Variants in CCDC91 observed in about 807,000 individuals in gnomAD.
The protein encoded by CCDC91 is coiled-coil domain-containing protein 91.
In CCDC91, 48 loss-of-function variants were observed where a neutral mutation model predicts 63.2. The observed-to-expected ratio is 0.76, with a 90% CI of 0.60 to 0.97. CCDC91 has a LOEUF of 0.97. CCDC91 is among the 50% of genes least tolerant of loss of function. The pLI, the probability that CCDC91 is intolerant of heterozygous loss-of-function variation, is 0.00. For missense variants in CCDC91, 500 were observed against 494.6 expected (o/e 1.01, Z -0.10); for synonymous variants, 167 against 165.8 (o/e 1.01, Z -0.06).
At chr12:28,518,029 T>G (rs1302696377) in intron 12 of CCDC91, among the ~76,000 whole-genome samples, 1 of 152,022 alleles carries the variant, frequency 6.6e-6, no homozygotes, top group African/African-American at 2.4e-5. Flanking sequence ...CTTTATCTAC[T>G]CATTGATTGA....
intron 12 of CCDC91, among the ~76,000 whole-genome samples, chr12:28,500,766 A>G (rs181349952): frequency 2.0e-5 from 3 of 151,800 alleles, no homozygotes; most frequent in East Asian, 1.9e-4. Context: ...CTCAGAATAG[A>G]TGTATTCCAT....
chr12:28,502,738 T>C (rs984678768), intron 12 of CCDC91, among the ~76,000 whole-genome samples: 2 of 151,068 alleles, frequency 1.3e-5, no homozygotes, highest in African/African-American at 4.9e-5. Flanking sequence ...AACAGAGATA[T>C]AGATCAATGG....
chr12:28,420,884 C>T (rs1160009289), intron 8 of CCDC91, among the ~76,000 whole-genome samples: 1 of 151,436 alleles, frequency 6.6e-6, no homozygotes, highest in African/African-American at 2.4e-5. Context: ...TTTTTGAGTT[C>T]TTAAATAACT....
chr12:28,521,846 A>T (rs1456845837), intron 12 of CCDC91, among the ~76,000 whole-genome samples: 1 of 151,924 alleles, frequency 6.6e-6, no homozygotes. Flanking sequence ...GGTTTTTGTC[A>T]TTGGTTCTGT....
intron 6 of CCDC91, among the ~76,000 whole-genome samples, chr12:28,310,939 A>C (rs1323514143): frequency 1.3e-5 from 2 of 152,004 alleles, no homozygotes; most frequent in Non-Finnish European, 2.9e-5. Context: ...TTTCTTACCC[A>C]AGTTGAGATT....
intron 6 of CCDC91, among the ~76,000 whole-genome samples, chr12:28,341,244 G>T (rs1189834127): frequency 2.0e-5 from 3 of 152,140 alleles, no homozygotes; most frequent in African/African-American, 7.2e-5. Flanking sequence ...TAGGATGGGG[G>T]CATGGCAGGC....
Position 28,358,259 on chromosome 12 carries a change from C to T in CCDC91, c.577-4179C>T, listed in dbSNP as rs558112483. Among the ~76,000 whole-genome samples the T allele has an allele frequency of 4.6e-5, 7 of 152,244 alleles. No individual in the cohort carries two copies. In the East Asian group the frequency reaches 9.7e-4, roughly 21 times the overall value. Reference sequence around the variant, plus strand: ...ATTTTATTCTCATTCAGTCATTCAACAGACATCTACTTGAACCTGTCAAGG... The same window carrying T: ...ATTTTATTCTCATTCAGTCATTCAATAGACATCTACTTGAACCTGTCAAGG... On this transcript the variant is annotated intron_variant, in intron 6 of 12. Transcript: ENST00000536442.
intron 12 of CCDC91, among the ~76,000 whole-genome samples, chr12:28,492,125 G>A (rs1462958572): frequency 1.3e-5 from 2 of 151,624 alleles, no homozygotes; most frequent in Non-Finnish European, 2.9e-5. Context: ...ATCTTAATCT[G>A]TCTATATCTA....
intron 1 of CCDC91, among the ~76,000 whole-genome samples, chr12:28,207,587 G>GA (rs1198370707): frequency 2.0e-5 from 3 of 152,108 alleles, no homozygotes; most frequent in Non-Finnish European, 2.9e-5. Context: ...AATGACAAAT[G>GA]AAATCCCTTT....
chr12:28,478,869 T>G (rs1951274791), intron 11 of CCDC91, among the ~76,000 whole-genome samples: 1 of 152,104 alleles, frequency 6.6e-6, no homozygotes, highest in East Asian at 1.9e-4. Context: ...AAAATGCTCA[T>G]CATCACTGGC....
intron 3 of CCDC91, among the ~76,000 whole-genome samples, chr12:28,294,386 T>C (rs1437949775): frequency 6.6e-6 from 1 of 152,144 alleles, no homozygotes; most frequent in East Asian, 1.9e-4. Flanking sequence ...ATGGAGGTGG[T>C]TCCCCCCGCA....
chr12:28,304,473 A>G (rs144101204), intron 3 of CCDC91, among the ~76,000 whole-genome samples: 201 of 151,878 alleles, frequency 1.3e-3, no homozygotes, highest in African/African-American at 4.8e-3. Context: ...AGTATGGCAC[A>G]TAATATGTCA....
intron 12 of CCDC91, among the ~76,000 whole-genome samples, chr12:28,498,748 C>T (rs1489993267): frequency 6.6e-6 from 1 of 151,622 alleles, no homozygotes; most frequent in Non-Finnish European, 1.5e-5. Context: ...ATGTTTTTAT[C>T]ATTCACTATT....
At chr12:28,496,369 G>A (rs1405562807) in intron 12 of CCDC91, among the ~76,000 whole-genome samples, 2 of 151,548 alleles carry the variant, frequency 1.3e-5, no homozygotes, top group African/African-American at 4.8e-5. Context: ...CCTCACTTAT[G>A]AATCAAAGTC....
intron 1 of CCDC91, among the ~76,000 whole-genome samples, chr12:28,221,369 GTCTGTT>G (rs1171264461): frequency 1.3e-5 from 2 of 151,486 alleles, no homozygotes; most frequent in Non-Finnish European, 2.9e-5. Context: ...TCATTTCTGT[GTCTGTT>G]TCTATCAAGT....
intron 11 of CCDC91, among the ~76,000 whole-genome samples, chr12:28,470,011 A>G (rs1000090861): frequency 3.3e-5 from 5 of 152,172 alleles, no homozygotes; most frequent in Admixed American, 2.6e-4. Flanking sequence ...GCTCTCCAAA[A>G]CATTGAACTG....
In CCDC91 at chr12:28,201,283, C is replaced by T. The variant is rs28530737; in HGVS notation, c.-15+10642C>T. On this transcript the variant is annotated intron_variant, in intron 1 of 12. Transcript: ENST00000536442. ...CCTCACTTCTCAGACGGGCGGTTGC[C>T]AGGCGGAGGGTCTCCTCACTTCTCA... 4.8e-5 allele frequency among the ~76,000 whole-genome samples: 7 copies of T among 146,568 alleles called. No homozygotes were observed. The Admixed American group carries it at 4.8e-4, about 10-fold the overall frequency.
In CCDC91 at chr12:28,484,193, T is replaced by C. The variant is rs779946793; in HGVS notation, c.1215+28T>C. ...AAGTATCTCCTGAAGAGTTTTAATT[T>C]GTGCTTCAATAAACTGAATCAGTGA... On this transcript the variant is annotated intron_variant, in intron 12 of 12. Transcript: ENST00000536442. 3.1e-6 allele frequency: 4 copies of C among 1,305,772 alleles called. No homozygotes were observed. The South Asian group carries it at 5.2e-5, about 17-fold the overall frequency. 80.9% of individuals were successfully genotyped at this position (1,305,772 alleles called of 1,614,324 possible).
At chr12:28,407,855 A>C (rs1947049077) in intron 8 of CCDC91, among the ~76,000 whole-genome samples, 1 of 151,740 alleles carries the variant, frequency 6.6e-6, no homozygotes, top group South Asian at 2.1e-4. Context: ...ATGTTAGTTT[A>C]ACTTTTATAG....
Sources: allele counts gnomAD v4.1 joint callset (sites outside exome capture counted in the v4.1 genomes callset), GRCh38; gene constraint gnomAD v4.1.1; transcripts MANE v1.5; gene names NCBI Gene and HGNC (gene_info 2026-07-23, HGNC 2026-07-21).